Variants in TTC6 observed in about 807,000 individuals in gnomAD.
TTC6 encodes the protein tetratricopeptide repeat domain 6.
A neutral mutation model predicts 210.4 loss-of-function variants in TTC6; 172 were observed. The ratio of observed to expected loss-of-function variants is 0.82; its 90% CI spans 0.72 to 0.93. TTC6 has a LOEUF of 0.93. Among genes scored for constraint, TTC6 ranks in the 40% least tolerant of loss-of-function variants. The pLI is 0.00. For synonymous variants in TTC6, 804 were observed against 819.6 expected (o/e 0.98, Z 0.32); for missense variants, 2,414 against 2,318.1 (o/e 1.04, Z -0.85).
chr14:37,784,782 G>A (rs1248394284), intron 14 of TTC6, among the ~76,000 whole-genome samples: 1 of 152,104 alleles, frequency 6.6e-6, no homozygotes, highest in African/African-American at 2.4e-5. Context: ...TCCATGTTTA[G>A]TGCTTCCTTC....
intron 3 of TTC6, among the ~76,000 whole-genome samples, chr14:37,685,026 T>C (rs1401472297): frequency 6.6e-6 from 1 of 152,164 alleles, no homozygotes. Context: ...AGAAGCTCGT[T>C]AGTATAATGA....
intron 1 of TTC6, among the ~76,000 whole-genome samples, chr14:37,675,750 CT>C (rs11295651): frequency 0.25 from 35,858 of 142,356 alleles, 4,288 homozygotes; most frequent in South Asian, 0.32. Context: ...TTCTTTCTTT[CT>C]TTTTTTTTTT....
intron 8 of TTC6, among the ~76,000 whole-genome samples, chr14:37,737,311 C>T (rs890289708): frequency 3.9e-5 from 6 of 152,092 alleles, no homozygotes; most frequent in African/African-American, 1.4e-4. Context: ...GGATTCATGG[C>T]TCAGCATATC....
intron 14 of TTC6, among the ~76,000 whole-genome samples, chr14:37,761,268 T>G (rs1190252389): frequency 6.6e-6 from 1 of 151,886 alleles, no homozygotes; most frequent in Non-Finnish European, 1.5e-5. Flanking sequence ...CCTGGCTCCT[T>G]GCACTTCCCA....
At chr14:37,770,430 G>C (rs937274413) in intron 14 of TTC6, among the ~76,000 whole-genome samples, 1 of 151,954 alleles carries the variant, frequency 6.6e-6, no homozygotes, top group South Asian at 2.1e-4. Flanking sequence ...ATTAATGTGT[G>C]GGAGTCTAAG....
chr14:37,681,290 G>T (rs2095783036), intron 2 of TTC6, among the ~76,000 whole-genome samples: 1 of 152,064 alleles, frequency 6.6e-6, no homozygotes, highest in African/African-American at 2.4e-5. Context: ...TACAATATCA[G>T]TTAGGTTTAG....
At chr14:37,792,201 T>C in intron 16 of TTC6, 63 bp from the exon 19 acceptor site, 4 of 1,277,310 alleles carry the variant, frequency 3.1e-6, no homozygotes, top group Non-Finnish European at 4.2e-6. Context: ...TTATTCCTAA[T>C]TGGAGAACAT....
At chr14:37,650,283 A>T (rs1423622875) in intron 1 of TTC6, among the ~76,000 whole-genome samples, 2 of 152,144 alleles carry the variant, frequency 1.3e-5, no homozygotes, top group African/African-American at 2.4e-5. Flanking sequence ...TGAGTGAAGC[A>T]TTTGCCCCCA....
At chr14:37,802,517 A>G (rs954694821) in intron 20 of TTC6, 10 of 152,140 alleles carry the variant, frequency 6.6e-5, no homozygotes, top group Non-Finnish European at 1.5e-4. Context: ...AGGAGAATGT[A>G]GCTCAACCGA....
intron 13 of TTC6, 56 bp from the exon 16 acceptor site, chr14:37,753,043 T>C (rs2095956958): frequency 2.2e-6 from 3 of 1,386,762 alleles, no homozygotes; most frequent in Non-Finnish European, 2.9e-6. Context: ...TATGTGATTA[T>C]ATACTTCATT....
intron 1 of TTC6, among the ~76,000 whole-genome samples, chr14:37,632,577 TG>T (rs1353666948): frequency 6.6e-6 from 1 of 152,196 alleles, no homozygotes; most frequent in Non-Finnish European, 1.5e-5. Context: ...GGTATTGCTC[TG>T]TCAGGAGGCA....
rs559228047 is a variant in TTC6 at position 37,808,048 on chromosome 14, T to C, written c.4455+588T>C. Among the ~76,000 whole-genome samples, 5 of 152,276 alleles carry C rather than the reference T, an allele frequency of 3.3e-5. No homozygotes were observed. In the South Asian group the frequency reaches 6.2e-4, roughly 19 times the overall value. On this transcript the variant is annotated intron_variant, in intron 23 of 30. Transcript: ENST00000553443. Reference sequence around the variant, plus strand: ...ATACAACTGAGAACAAAATTGCTGCTTGGGTTTATGATTGGTTCTTAAACA... The same window carrying C: ...ATACAACTGAGAACAAAATTGCTGCCTGGGTTTATGATTGGTTCTTAAACA...
intron 1 of TTC6, among the ~76,000 whole-genome samples, chr14:37,652,828 TC>T (rs1231563755): frequency 6.6e-6 from 1 of 152,228 alleles, no homozygotes; most frequent in African/African-American, 2.4e-5. Flanking sequence ...ACATGCACTT[TC>T]CTAGCTTCCC....
chr14:37,834,549 A>G (rs1482116607), intron 29 of TTC6, among the ~76,000 whole-genome samples: 5 of 152,006 alleles, frequency 3.3e-5, no homozygotes, highest in African/African-American at 1.2e-4. Flanking sequence ...TATGATATCT[A>G]TCTTTGTTCG....
intron 1 of TTC6, among the ~76,000 whole-genome samples, chr14:37,654,387 A>G (rs2095718122): frequency 6.6e-6 from 1 of 152,088 alleles, no homozygotes; most frequent in Admixed American, 6.6e-5. Context: ...TTTAAAAATA[A>G]TGAAAAAAAA....
At chr14:37,780,289 T>C (rs1249794882) in intron 14 of TTC6, among the ~76,000 whole-genome samples, 1 of 152,194 alleles carries the variant, frequency 6.6e-6, no homozygotes, top group Non-Finnish European at 1.5e-5. Flanking sequence ...CATAGGCACA[T>C]TTTTGTTACA....
intron 18 of TTC6, 85 bp downstream of exon 20, chr14:37,795,437 T>C: frequency 3.7e-6 from 3 of 811,462 alleles, no homozygotes; most frequent in Non-Finnish European, 5.4e-6. Context: ...TCTTGAACCT[T>C]TCAGGCTCCC....
chr14:37,622,257 G>T, exon 1 of TTC6: 1 of 1,535,182 alleles, frequency 6.5e-7, no homozygotes, highest in East Asian at 2.5e-5. Flanking sequence ...CCCCGCGCGC[G>T]TTTCCTGCGC....
chr14:37,743,135 G>A (rs2095925856), intron 10 of TTC6, among the ~76,000 whole-genome samples: 1 of 152,202 alleles, frequency 6.6e-6, no homozygotes, highest in South Asian at 2.1e-4. Flanking sequence ...ATAGCTAGCA[G>A]GTTAATTTAC....
Sources: allele counts gnomAD v4.1 joint callset (sites outside exome capture counted in the v4.1 genomes callset), GRCh38; gene constraint gnomAD v4.1.1; transcripts MANE v1.5; gene names NCBI Gene and HGNC (gene_info 2026-07-23, HGNC 2026-07-21).